Variants in B4GALNT3 observed in about 807,000 individuals in gnomAD.
B4GALNT3 encodes beta-1,4-N-acetyl-galactosaminyltransferase 3.
B4GALNT3 carries 86 observed loss-of-function variants against 120.2 expected under a neutral mutation model. That is an observed-to-expected ratio of 0.72 (90% confidence interval 0.60 to 0.86). The LOEUF is 0.86. Among genes scored for constraint, B4GALNT3 ranks in the 40% least tolerant of loss-of-function variants. The pLI is 0.00. For synonymous variants in B4GALNT3, 518 were observed against 510.4 expected (o/e 1.01, Z -0.20); for missense variants, 1,167 against 1,298.9 (o/e 0.90, Z 1.56).
chr12:550,040 T>C lies in B4GALNT3; in HGVS notation c.997+128T>C. 1.9e-6 allele frequency: 2 copies of C among 1,062,468 alleles called. No homozygotes were observed. Among genetic ancestry groups the C allele is most frequent in the South Asian group, 3.3e-5 (2 of 60,346 alleles). The allele number at this position is 1,062,468 out of a possible 1,614,324, so 65.8% of individuals were successfully genotyped here. On this transcript the variant is annotated intron_variant, in intron 10 of 19. Coordinates refer to ENST00000266383, the MANE Select transcript of B4GALNT3 (RefSeq NM_173593.4). The surrounding 1 kb of genome is among the most constrained non-coding windows in gnomAD (Gnocchi z 4.1). ...TCACCGTAGAACTTTTTATCGTCCT[T>C]GTAACATAGAACATGCATACAGAAA...
chr12:471,473 G>A lies in B4GALNT3; in HGVS notation c.169+10928G>A, dbSNP rs182978536. Among the ~76,000 whole-genome samples the A allele has an allele frequency of 7.3e-3, 1,110 of 152,016 alleles. 18 individuals are homozygous for A. The highest frequency in any genetic ancestry group is 0.01 in the Middle Eastern group (3 of 292). ...TGAAATCCTGGCACTTTGGGAGGCCGAGGTGGGTGGATCACCTGAGGTCAT... is the reference window on the plus strand; with the variant it reads ...TGAAATCCTGGCACTTTGGGAGGCCAAGGTGGGTGGATCACCTGAGGTCAT... On this transcript the variant is annotated intron_variant, in intron 1 of 19. Coordinates refer to ENST00000266383, the MANE Select transcript of B4GALNT3 (RefSeq NM_173593.4).
chr12:538,560 CAAAA>C (rs771053015), intron 3 of B4GALNT3, among the ~76,000 whole-genome samples: 20 of 64,068 alleles, frequency 3.1e-4, no homozygotes, highest in Admixed American at 5.1e-4. Flanking sequence ...AACCCCATCT[CAAAA>C]AAAAAAAAAA....
intron 1 of B4GALNT3, among the ~76,000 whole-genome samples, chr12:512,075 T>C (rs1946579311): frequency 8.1e-6 from 1 of 124,182 alleles, no homozygotes; most frequent in Non-Finnish European, 1.6e-5. Context: ...CCTTCAACCT[T>C]CCACCTTCGA....
intron 1 of B4GALNT3, among the ~76,000 whole-genome samples, chr12:522,405 C>T (rs1055516048): frequency 1.3e-5 from 2 of 152,160 alleles, no homozygotes; most frequent in African/African-American, 4.8e-5. Context: ...AAAAGCCAGA[C>T]ACAAAAGGAA....
At chr12:543,518 A>G (rs187580811) in intron 3 of B4GALNT3, among the ~76,000 whole-genome samples, 225 of 24,632 alleles carry the variant, frequency 9.1e-3, no homozygotes, top group East Asian at 0.034. Flanking sequence ...TCCTCCTGGA[A>G]CTGAGGAGCT....
At chr12:494,072 C>T (rs1207811236) in intron 1 of B4GALNT3, among the ~76,000 whole-genome samples, 2 of 152,068 alleles carry the variant, frequency 1.3e-5, no homozygotes, top group African/African-American at 2.4e-5. Context: ...GAGTTTGAGA[C>T]CAGCCTGGGC....
At chr12:514,476 C>T (rs534063073) in intron 1 of B4GALNT3, among the ~76,000 whole-genome samples, 54 of 152,034 alleles carry the variant, frequency 3.6e-4, no homozygotes, top group African/African-American at 1.3e-3. Context: ...GGATTACAGG[C>T]ATGAGCCACC....
intron 1 of B4GALNT3, among the ~76,000 whole-genome samples, chr12:533,117 A>C (rs977025901): frequency 1.3e-5 from 2 of 152,156 alleles, no homozygotes; most frequent in Admixed American, 1.3e-4. Context: ...CTCATGTGTC[A>C]CCCAGGCACG....
At chr12:557,847 G>A (rs895567830) in intron 16 of B4GALNT3, 86 bp downstream of exon 16, 5 of 1,510,852 alleles carry the variant, frequency 3.3e-6, no homozygotes, top group African/African-American at 1.4e-5. Context: ...AGAGCCAGGA[G>A]TCCTGCCCAG....
chr12:460,822 G>C lies in B4GALNT3; in HGVS notation c.169+277G>C, dbSNP rs1946014533. On this transcript the variant is annotated intron_variant, in intron 1 of 19. Coordinates refer to ENST00000266383, the MANE Select transcript of B4GALNT3 (RefSeq NM_173593.4). This position sits in a 1 kb window ranked among gnomAD's most constrained non-coding sequence, Gnocchi z 8.0. ...GCGTCTCCCCTCGGAGAGCGACCCG[G>C]AGAGAGGCTCCCCGCCCGTCCCGCC... Among the ~76,000 whole-genome samples the C allele has an allele frequency of 1.3e-5, 2 of 152,036 alleles. No homozygotes were observed. The highest frequency in any genetic ancestry group is 2.9e-5 in the Non-Finnish European group (2 of 67,972).
At position 558,689 on chromosome 12, in the gene B4GALNT3, G is replaced by A. The variant is rs1450216783; in HGVS notation, c.2761+28G>A. 7 of 1,609,402 alleles carry A rather than the reference G, an allele frequency of 4.3e-6. 1 individual carries two copies. The highest frequency in any genetic ancestry group is 1.7e-4 in the Middle Eastern group (1 of 6,030). On this transcript the variant is annotated intron_variant, in intron 18 of 19. Transcript: ENST00000266383. ...GAGCCCTGCTCAGACTGGGGAGGGAGGAAAGACTTCTCTGATCTTGGCTCT... is the reference window on the plus strand; with the variant it reads ...GAGCCCTGCTCAGACTGGGGAGGGAAGAAAGACTTCTCTGATCTTGGCTCT...
chr12:516,285 A>G (rs1946654927), intron 1 of B4GALNT3, among the ~76,000 whole-genome samples: 1 of 130,184 alleles, frequency 7.7e-6, no homozygotes, highest in Admixed American at 7.6e-5. Flanking sequence ...ACAGAGTTAG[A>G]AAGAGAGTGA....
Position 553,289 on chromosome 12 carries a change from A to C in B4GALNT3, c.1366A>C (p.Arg456=). ...CCAGAATGCCAGGATGCTTGAGGGA[A>C]GACAGACACCTGCCTCCACCCTGGA... is the stretch of plus-strand genomic sequence containing the variant. ...NNQNARMLEG[R]QTPASTLEQD... Residue 456 remains arginine, a synonymous_variant, in exon 14 of 20, where the codon AGA becomes CGA. Transcript: ENST00000266383. 1.2e-6 allele frequency: 2 copies of C among 1,613,568 alleles called. No homozygotes were observed. The highest frequency in any genetic ancestry group is 1.7e-6 in the Non-Finnish European group (2 of 1,180,032).
chr12:480,085 T>C (rs1243887332), intron 1 of B4GALNT3, among the ~76,000 whole-genome samples: 2 of 151,934 alleles, frequency 1.3e-5, no homozygotes, highest in Non-Finnish European at 2.9e-5. Flanking sequence ...TGGATAATTT[T>C]TTTGTATTTT....
At position 553,258 on chromosome 12, in the gene B4GALNT3, C is replaced by T; in HGVS notation, c.1335C>T (p.Ser445=). ...AAGTGGCAGAGGAGACCCCTGCCTC[C>T]AACAACCAGAATGCCAGGATGCTTG... ...YGEVAEETPA[S]NNQNARMLEG... is the part of the protein sequence containing the mutation. Residue 445 remains serine (S), a synonymous_variant, in exon 14 of 20, where the codon TCC becomes TCT. Transcript: ENST00000266383. The T allele has an allele frequency of 6.2e-7, 1 of 1,613,478 alleles. No individual in the cohort carries two copies. Among genetic ancestry groups the T allele is most frequent in the Admixed American group, 1.7e-5 (1 of 60,026 alleles).
intron 1 of B4GALNT3, among the ~76,000 whole-genome samples, chr12:463,036 C>T (rs1372344309): frequency 6.6e-6 from 1 of 152,184 alleles, no homozygotes; most frequent in African/African-American, 2.4e-5. Flanking sequence ...CCTCTGGCCT[C>T]AACCACAGCA....
intron 1 of B4GALNT3, among the ~76,000 whole-genome samples, chr12:516,686 T>C (rs1316591672): frequency 6.6e-6 from 1 of 152,148 alleles, no homozygotes; most frequent in African/African-American, 2.4e-5. Flanking sequence ...CAGAAGGATC[T>C]TGGATTGTAT....
At position 468,342 on chromosome 12, in the gene B4GALNT3, T is replaced by C. The variant is rs138904942; in HGVS notation, c.169+7797T>C. On this transcript the variant is annotated intron_variant, in intron 1 of 19. Transcript: ENST00000266383. ...AAAAACTTAAAAAGCCAAAAAAGTA[T>C]TGCCCTGACCTTTTTGGGGGTCTTT... is the stretch of plus-strand genomic sequence containing the variant. Among the ~76,000 whole-genome samples the C allele has an allele frequency of 9.5e-4, 144 of 152,318 alleles. 2 individuals carry two copies. Among genetic ancestry groups the C allele is most frequent in the African/African-American group, 3.2e-3 (133 of 41,578 alleles).
At chr12:541,222 C>G (rs1393839327) in intron 3 of B4GALNT3, among the ~76,000 whole-genome samples, 1 of 152,234 alleles carries the variant, frequency 6.6e-6, no homozygotes, top group African/African-American at 2.4e-5. Flanking sequence ...CACCCCTGCA[C>G]GATGCCCTCC....
Sources: gnomAD v4.1 joint callset for allele counts (sites outside exome capture counted in the v4.1 genomes callset) on GRCh38, gnomAD v4.1.1 for gene constraint, Gnocchi (gnomAD v3.1) non-coding constraint, MANE v1.5 for transcripts, NCBI Gene and HGNC (gene_info 2026-07-23, HGNC 2026-07-21) for gene names.